The following AGBL4 variants were observed in gnomAD, a reference collection of about 807,000 sequenced individuals.
AGBL4 encodes the protein AGBL carboxypeptidase 4.
Under a neutral mutation model 66.4 loss-of-function variants are expected in AGBL4, and 58 were observed. The ratio of observed to expected loss-of-function variants is 0.87; its 90% CI spans 0.71 to 1.09. The LOEUF (loss-of-function observed/expected upper bound fraction) is 1.09. Ranked by LOEUF, AGBL4 falls within the 50% of genes least tolerant of loss-of-function variation. The pLI, the probability that AGBL4 is intolerant of heterozygous loss-of-function variation, is 0.00. For missense variants in AGBL4, 579 were observed against 631.0 expected (o/e 0.92, Z 0.88); for synonymous variants, 234 against 222.9 (o/e 1.05, Z -0.44).
intron 3 of AGBL4, among the ~76,000 whole-genome samples, chr1:49,581,450 G>A (rs982819215): frequency 6.6e-6 from 1 of 152,130 alleles, no homozygotes; most frequent in Non-Finnish European, 1.5e-5. Flanking sequence ...GTCAATTTAT[G>A]TGTATCTGGT....
intron 3 of AGBL4, among the ~76,000 whole-genome samples, chr1:49,270,786 T>A (rs1206205398): frequency 6.6e-6 from 1 of 152,162 alleles, no homozygotes; most frequent in Non-Finnish European, 1.5e-5. Flanking sequence ...ATTCTAATTA[T>A]CAATGGCAAA....
chr1:48,618,943 G>GAA (rs59049128), intron 9 of AGBL4, among the ~76,000 whole-genome samples: 10 of 145,856 alleles, frequency 6.9e-5, no homozygotes, highest in Admixed American at 6.9e-5. Flanking sequence ...ATTATACCAA[G>GAA]AAAAAAAAAA....
In AGBL4 at chr1:49,718,534, C is replaced by T. The variant is rs577485353; in HGVS notation, c.158-21097G>A. Among the ~76,000 whole-genome samples the T allele has an allele frequency of 5.3e-5, 8 of 152,014 alleles. No individual in the cohort carries two copies. In the South Asian group the frequency reaches 6.2e-4, roughly 12 times the overall value. Reference sequence around the variant, plus strand: ...ATATCTACACTAAAAGAAACATAAACGGGTCAAAATGAAAAGCCATAAGAA... The same window carrying T: ...ATATCTACACTAAAAGAAACATAAATGGGTCAAAATGAAAAGCCATAAGAA... On this transcript the variant is annotated intron_variant, in intron 2 of 13. Transcript: ENST00000371839.
intron 3 of AGBL4, among the ~76,000 whole-genome samples, chr1:49,333,159 T>C (rs980257833): frequency 6.6e-6 from 1 of 152,046 alleles, no homozygotes; most frequent in East Asian, 1.9e-4. Flanking sequence ...TGCACATGTG[T>C]CCCAGAACTT....
At chr1:49,861,296 G>A (rs148595009) in intron 1 of AGBL4, among the ~76,000 whole-genome samples, 3 of 152,212 alleles carry the variant, frequency 2.0e-5, no homozygotes, top group Admixed American at 6.5e-5. Context: ...TATCAGCTGG[G>A]GCAGCCAAGG....
At chr1:49,006,491 G>C (rs1357867727) in intron 5 of AGBL4, among the ~76,000 whole-genome samples, 2 of 152,362 alleles carry the variant, frequency 1.3e-5, no homozygotes, top group East Asian at 1.9e-4. Context: ...GGTAAACAAA[G>C]CAGCGGGGAA....
chr1:49,210,647 C>T (rs1013079996), intron 4 of AGBL4, among the ~76,000 whole-genome samples: 1 of 151,966 alleles, frequency 6.6e-6, no homozygotes, highest in African/African-American at 2.4e-5. Context: ...TTAAATCTCC[C>T]CAACCCCTTG....
intron 1 of AGBL4, among the ~76,000 whole-genome samples, chr1:49,988,845 T>A (rs1220337889): frequency 6.6e-6 from 1 of 152,174 alleles, no homozygotes; most frequent in East Asian, 1.9e-4. Context: ...AGGATTAATA[T>A]TAGAACCAGA....
intron 11 of AGBL4, among the ~76,000 whole-genome samples, chr1:48,549,466 AGGAGAGGGAGAG>A: frequency 6.6e-6 from 1 of 152,172 alleles, no homozygotes; most frequent in African/African-American, 2.4e-5. Flanking sequence ...GAGAGGGAGA[AGGAGAGGGAGAG>A]GGAGAGGGAG....
chr1:49,833,600 C>T (rs541653104), intron 2 of AGBL4, among the ~76,000 whole-genome samples: 6 of 152,054 alleles, frequency 3.9e-5, no homozygotes, highest in Non-Finnish European at 5.9e-5. Context: ...GCCATTTTCA[C>T]GATATTGATT....
At chr1:49,481,628 T>C (rs1251920012) in intron 3 of AGBL4, among the ~76,000 whole-genome samples, 2 of 151,920 alleles carry the variant, frequency 1.3e-5, no homozygotes, top group Non-Finnish European at 2.9e-5. Flanking sequence ...TCTTTCTCTT[T>C]CTAATTGCTC....
chr1:49,452,667 G>A (rs1296981068), intron 3 of AGBL4, among the ~76,000 whole-genome samples: 1 of 151,764 alleles, frequency 6.6e-6, no homozygotes, highest in Non-Finnish European at 1.5e-5. Context: ...AGAATTAATT[G>A]TTGTTACTTC....
At chr1:49,543,800 G>A (rs919200934) in intron 3 of AGBL4, among the ~76,000 whole-genome samples, 1 of 152,100 alleles carries the variant, frequency 6.6e-6, no homozygotes, top group African/African-American at 2.4e-5. Flanking sequence ...AGAGTCCCTG[G>A]GCTTTGGGAT....
At chr1:49,097,824 G>A (rs1453098512) in intron 4 of AGBL4, among the ~76,000 whole-genome samples, 2 of 152,174 alleles carry the variant, frequency 1.3e-5, no homozygotes, top group Admixed American at 1.3e-4. Context: ...CAAGTAATCT[G>A]CCCACCATGG....
At chr1:48,599,280 C>T (rs1645041305) in intron 9 of AGBL4, among the ~76,000 whole-genome samples, 4 of 152,308 alleles carry the variant, frequency 2.6e-5, no homozygotes, top group Admixed American at 2.6e-4. Context: ...ATAGAAAATA[C>T]ATAAACCAGT....
intron 4 of AGBL4, among the ~76,000 whole-genome samples, chr1:49,149,787 A>G (rs553527174): frequency 2.0e-5 from 3 of 152,206 alleles, no homozygotes; most frequent in South Asian, 2.1e-4. Flanking sequence ...ATATTGTTTC[A>G]TTACAAATAT....
At chr1:48,665,342 G>A (rs1646169045) in intron 6 of AGBL4, among the ~76,000 whole-genome samples, 1 of 152,134 alleles carries the variant, frequency 6.6e-6, no homozygotes, top group Non-Finnish European at 1.5e-5. Context: ...AACTTCCATG[G>A]GTGTATGGCT....
chr1:48,586,066 T>A (rs988396519), intron 11 of AGBL4: 2 of 152,162 alleles, frequency 1.3e-5, no homozygotes, highest in African/African-American at 4.8e-5. Flanking sequence ...AAAGGAGACA[T>A]AGATCAACCC....
Position 49,303,518 on chromosome 1 carries a change from T to C in AGBL4, c.283-57654A>G, listed in dbSNP as rs576997201. 6.6e-5 allele frequency among the ~76,000 whole-genome samples: 10 copies of C among 152,006 alleles called. No homozygotes were observed. In the South Asian group the frequency reaches 2.1e-3, roughly 32 times the overall value. ...CCCAGGCTGGAGTGCAGTGGTGTTA[T>C]CTGTGCTCACTGCAAACTCTGCCTC... On this transcript the variant is annotated intron_variant, in intron 3 of 13. Coordinates refer to ENST00000371839, the MANE Select transcript of AGBL4 (RefSeq NM_032785.4).
Sources: allele counts gnomAD v4.1 joint callset (sites outside exome capture counted in the v4.1 genomes callset), GRCh38; gene constraint gnomAD v4.1.1; transcripts MANE v1.5; gene names NCBI Gene and HGNC (gene_info 2026-07-23, HGNC 2026-07-21).